ULBP1: variants seen among roughly 807,000 people sequenced by gnomAD.
ULBP1 encodes UL16 binding protein 1.
In ULBP1, 28 loss-of-function variants were observed where a neutral mutation model predicts 25.3. That is an observed-to-expected ratio of 1.10 (90% CI 0.82 to 1.51). The LOEUF (loss-of-function observed/expected upper bound fraction) is 1.51. Among genes scored for constraint, ULBP1 ranks in the 40% most tolerant of loss-of-function variants. ULBP1 has a pLI of 0.00. For missense variants in ULBP1, 348 were observed against 290.9 expected (o/e 1.20, Z -1.43); for synonymous variants, 129 against 103.0 (o/e 1.25, Z -1.53).
In ULBP1 at chr6:149,973,191, AC is replaced by A. The variant is rs1779349049; in HGVS notation, c.*1846del. On this transcript the variant is annotated 3_prime_UTR_variant, in exon 5 of 5. Coordinates refer to ENST00000229708, the MANE Select transcript of ULBP1 (RefSeq NM_025218.4). ...TGTCCTTTTCAGCAACATGGATGCA[AC>A]TAGAGGCTATTATCCTAAGCAACCT... The A allele has an allele frequency of 6.6e-6, 1 of 152,232 alleles. No homozygotes were observed. Among genetic ancestry groups the A allele is most frequent in the Non-Finnish European group, 1.5e-5 (1 of 68,044 alleles). 9.4% of individuals were successfully genotyped at this position (152,232 alleles called of 1,614,324 possible). A position where few individuals can be genotyped will look rare whatever the true frequency, so the allele number is the denominator to read the frequency against.
In ULBP1 at chr6:149,973,054, C is replaced by T. The variant is rs764630097; in HGVS notation, c.*1708C>T. On this transcript the variant is annotated 3_prime_UTR_variant, in exon 5 of 5. Coordinates refer to ENST00000229708, the MANE Select transcript of ULBP1 (RefSeq NM_025218.4). The stretch of plus-strand genomic sequence containing the variant: ...ATGTTCATTACAGTGCTATTCTCAC[C>T]AGCAAGGACAGAGAATCAATCTAAG... 1 of 152,132 alleles carries T rather than the reference C, an allele frequency of 6.6e-6. No individual in the cohort carries two copies. The highest frequency in any genetic ancestry group is 1.5e-5 in the Non-Finnish European group (1 of 68,026). 9.4% of individuals were successfully genotyped at this position (152,132 alleles called of 1,614,324 possible). A position where few individuals can be genotyped will look rare whatever the true frequency, so the allele number is the denominator to read the frequency against.
At chr6:149,970,429 C>A (rs1779293941) in intron 4 of ULBP1, among the ~76,000 whole-genome samples, 1 of 152,194 alleles carries the variant, frequency 6.6e-6, no homozygotes. Context: ...TGTTTCAGAG[C>A]AGGTTCCTAT....
chr6:149,968,986 C>G, intron 2 of ULBP1, 99 bp from the exon 3 acceptor site: 2 of 1,555,574 alleles, frequency 1.3e-6, no homozygotes, highest in Non-Finnish European at 1.7e-6. Context: ...GAGCATGGGC[C>G]GGATGCAGCA....
At chr6:149,967,323 G>A (rs1397664887) in intron 1 of ULBP1, among the ~76,000 whole-genome samples, 2 of 152,224 alleles carry the variant, frequency 1.3e-5, no homozygotes, top group African/African-American at 4.8e-5. Flanking sequence ...CCATTTCATG[G>A]CATACAGTTA....
rs541741004 is a variant in ULBP1 at position 149,971,059 on chromosome 6, T to C, written c.*23-310T>C. Among the ~76,000 whole-genome samples the C allele has an allele frequency of 2.1e-4, 32 of 152,294 alleles. 1 individual carries two copies. The highest frequency in any genetic ancestry group is 5.3e-4 in the African/African-American group (22 of 41,580). Reference sequence around the variant, plus strand: ...TAGAAAGAGCTCTCTTTGGACAGGGTTCCCCCAGGTCCTCTAGACCCTTCT... The same window carrying C: ...TAGAAAGAGCTCTCTTTGGACAGGGCTCCCCCAGGTCCTCTAGACCCTTCT... On this transcript the variant is annotated intron_variant, in intron 4 of 4. Coordinates refer to ENST00000229708, the MANE Select transcript of ULBP1 (RefSeq NM_025218.4).
chr6:149,968,629 C>T lies in ULBP1; in HGVS notation c.108C>T (p.Asp36=). 1 of 1,610,004 alleles carries T rather than the reference C, an allele frequency of 6.2e-7. No individual in the cohort carries two copies. Among genetic ancestry groups the T allele is most frequent in the Non-Finnish European group, 8.5e-7 (1 of 1,176,608 alleles). Residue 36 remains aspartate, a synonymous_variant, in exon 2 of 5, where the codon GAC becomes GAT. Coordinates refer to ENST00000229708, the MANE Select transcript of ULBP1 (RefSeq NM_025218.4). Reference sequence around the variant, plus strand: ...CAGACACACACTGTCTTTGCTATGACTTCATCATCACTCCTAAGTCCAGAC... The same window carrying T: ...CAGACACACACTGTCTTTGCTATGATTTCATCATCACTCCTAAGTCCAGAC... ...GWVDTHCLCY[D]FIITPKSRPE...
chr6:149,968,640 C>T lies in ULBP1; in HGVS notation c.119C>T (p.Thr40Ile), dbSNP rs553721501. The T allele has an allele frequency of 5.6e-6, 9 of 1,612,598 alleles. No homozygotes were observed. The South Asian group carries it at 9.9e-5, about 18-fold the overall frequency. ...THCLCYDFII[T>I]PKSRPEPQWC... Reference sequence around the variant, plus strand: ...TGTCTTTGCTATGACTTCATCATCACTCCTAAGTCCAGACCTGAACCACAG... The same window carrying T: ...TGTCTTTGCTATGACTTCATCATCATTCCTAAGTCCAGACCTGAACCACAG... The change falls in exon 2 of 5, where the codon ACT becomes ATT. Residue 40 changes from threonine to isoleucine, a missense_variant. By Grantham distance (89) the Thr-to-Ile change is moderately conservative (BLOSUM62 -1). Transcript: ENST00000229708.
intron 4 of ULBP1, among the ~76,000 whole-genome samples, chr6:149,970,366 C>A (rs1027440640): frequency 2.0e-5 from 3 of 152,208 alleles, no homozygotes; most frequent in Non-Finnish European, 4.4e-5. Context: ...GGGAGGGACC[C>A]ATACCAAGGC....
At chr6:149,964,681 G>T (rs1264457914) in intron 1 of ULBP1, among the ~76,000 whole-genome samples, 3 of 145,374 alleles carry the variant, frequency 2.1e-5, no homozygotes, top group African/African-American at 7.7e-5. Context: ...CCCCTCCGCG[G>T]CTCCTTTCCG....
chr6:149,970,422 T>A (rs2114715213), intron 4 of ULBP1, among the ~76,000 whole-genome samples: 1 of 152,300 alleles, frequency 6.6e-6, no homozygotes, highest in South Asian at 2.1e-4. Context: ...TCAGGCCTGT[T>A]TCAGAGCAGG....
intron 4 of ULBP1, among the ~76,000 whole-genome samples, 181 bp from the exon 5 acceptor site, chr6:149,971,188 T>C (rs1267184492): frequency 3.3e-5 from 5 of 151,916 alleles, no homozygotes; most frequent in Non-Finnish European, 5.9e-5. Flanking sequence ...GGCTCTGTGG[T>C]GTGGTGAAGG....
At position 149,971,524 on chromosome 6, in the gene ULBP1, T is replaced by C. The variant is rs146616200; in HGVS notation, c.*178T>C. 1.2e-3 allele frequency: 515 copies of C among 412,706 alleles called. 3 individuals carry two copies. The highest frequency in any genetic ancestry group is 0.011 in the African/African-American group (486 of 44,830). The allele number at this position is 412,706 out of a possible 1,614,324, so 25.6% of individuals were successfully genotyped here. On this transcript the variant is annotated 3_prime_UTR_variant, in exon 5 of 5. Coordinates refer to ENST00000229708, the MANE Select transcript of ULBP1 (RefSeq NM_025218.4). ...CCCCCAGCAGACGATGAGGACATTG[T>C]CGGCTCAACATCTCAGGCCACTCAT...
In ULBP1 at chr6:149,972,859, G is replaced by C. The variant is rs1426025319; in HGVS notation, c.*1513G>C. ...ATGGTGGTGAGGCTGCAGAGCAAAAGAAACAGACACTGTTGGTGGGAAAGC... is the reference window on the plus strand; with the variant it reads ...ATGGTGGTGAGGCTGCAGAGCAAAACAAACAGACACTGTTGGTGGGAAAGC... On this transcript the variant is annotated 3_prime_UTR_variant, in exon 5 of 5. Transcript: ENST00000229708. The C allele has an allele frequency of 2.0e-5, 3 of 152,196 alleles. No homozygotes were observed. The highest frequency in any genetic ancestry group is 7.2e-5 in the African/African-American group (3 of 41,450). The allele number at this position is 152,196 out of a possible 1,614,324, so 9.4% of individuals were successfully genotyped here.
chr6:149,968,546 G>A, intron 1 of ULBP1, 61 bp from the exon 2 acceptor site: 1 of 1,552,290 alleles, frequency 6.4e-7, no homozygotes, highest in Non-Finnish European at 8.7e-7. Flanking sequence ...ATAAGTGGGA[G>A]GAGGGGATAC....
chr6:149,969,136 A>C lies in ULBP1; in HGVS notation c.401A>C (p.His134Pro). The change falls in exon 3 of 5, where the codon CAC (histidine) becomes CCC (proline). Residue 134 changes from histidine (H) to proline (P), a missense_variant. Physicochemically the swap from His to Pro is moderately conservative, Grantham distance 77. Transcript: ENST00000229708. Reference sequence around the variant, plus strand: ...TCTTGTGAGCATGAAGCCCATGGACACGGCAGAGGATCTTGGCAGTTCCTC... The same window carrying C: ...TCTTGTGAGCATGAAGCCCATGGACCCGGCAGAGGATCTTGGCAGTTCCTC... The part of the protein sequence containing the change: ...RMSCEHEAHG[H>P]GRGSWQFLFN... 1 of 1,614,260 alleles carries C rather than the reference A, an allele frequency of 6.2e-7. No individual in the cohort carries two copies. Among genetic ancestry groups the C allele is most frequent in the South Asian group, 1.1e-5 (1 of 91,088 alleles).
chr6:149,965,452 G>C (rs1779189128), intron 1 of ULBP1, among the ~76,000 whole-genome samples: 1 of 152,372 alleles, frequency 6.6e-6, no homozygotes, highest in Non-Finnish European at 1.5e-5. Flanking sequence ...TTGCAGGAGG[G>C]TGGAGGGACC....
At chr6:149,969,408 T>G (rs1305887260) in intron 3 of ULBP1, 48 bp downstream of exon 3, 3 of 1,593,772 alleles carry the variant, frequency 1.9e-6, no homozygotes, top group Non-Finnish European at 2.6e-6. Context: ...TCAGATCTTA[T>G]CAGCTGGTGT....
In ULBP1 at chr6:149,972,253, T is replaced by G. The variant is rs1779330576; in HGVS notation, c.*907T>G. The G allele has an allele frequency of 6.6e-6, 1 of 152,170 alleles. No individual in the cohort carries two copies. Among genetic ancestry groups the G allele is most frequent in the African/African-American group, 2.4e-5 (1 of 41,440 alleles). The allele number at this position is 152,170 out of a possible 1,614,324, so 9.4% of individuals were successfully genotyped here. A position where few individuals can be genotyped will look rare whatever the true frequency, so the allele number is the denominator to read the frequency against. On this transcript the variant is annotated 3_prime_UTR_variant, in exon 5 of 5. Transcript: ENST00000229708. ...TAATCTTCAATAGAAATGGGCAATG[T>G]GGGAAAGACTCCCTATTCGAAAATT...
chr6:149,964,126 G>A lies in ULBP1; in HGVS notation c.77G>A (p.Gly26Glu), dbSNP rs61742424. Reference protein sequence around the residue: ...LHLLSGWSRAGWVDTHCLCYD... With the variant: ...LHLLSGWSRAEWVDTHCLCYD... ...CTGCTGTCTGGCTGGTCCCGGGCAG[G>A]ATGGGTCGGTGAGTTCGGGGATGTA... Residue 26 changes from glycine to glutamate, a missense_variant, in exon 1 of 5, where the codon GGA becomes GAA. Coordinates refer to ENST00000229708, the MANE Select transcript of ULBP1 (RefSeq NM_025218.4). 6,880 of 1,614,190 alleles carry A rather than the reference G, an allele frequency of 4.3e-3. 246 individuals are homozygous for A. In the African/African-American group the frequency reaches 0.081, roughly 19 times the overall value.
Sources: allele counts gnomAD v4.1 joint callset (sites outside exome capture counted in the v4.1 genomes callset), GRCh38; gene constraint gnomAD v4.1.1; transcripts MANE v1.5; gene names NCBI Gene and HGNC (gene_info 2026-07-23, HGNC 2026-07-21).